Variants in VTI1B observed in about 807,000 individuals in gnomAD.
The protein encoded by VTI1B is vesicle transport through interaction with t-SNAREs homolog 1B.
A neutral mutation model predicts 28.6 loss-of-function variants in VTI1B; 18 were observed. The observed-to-expected ratio is 0.63, with a 90% CI of 0.43 to 0.93. The LOEUF is 0.93. VTI1B is among the 40% of genes least tolerant of loss of function. The pLI is 0.00. For synonymous variants in VTI1B, 100 were observed against 107.9 expected (o/e 0.93, Z 0.46); for missense variants, 283 against 297.0 (o/e 0.95, Z 0.35).
intron 1 of VTI1B, among the ~76,000 whole-genome samples, chr14:67,671,915 G>A (rs977361363): frequency 1.3e-5 from 2 of 152,196 alleles, no homozygotes; most frequent in East Asian, 3.8e-4. Flanking sequence ...AGCCCTCATG[G>A]TCTAATCATT....
rs940630614 is a variant in VTI1B at position 67,658,453 on chromosome 14, C to T, written c.366+1278G>A. The stretch of plus-strand genomic sequence containing the variant: ...ACTAAAAGTACAAAAAAAAATTAGC[C>T]GGGCGTGGTGGTGGGCGCCTGTAGT... On this transcript the variant is annotated intron_variant, in intron 3 of 5. Transcript: ENST00000554659. Among the ~76,000 whole-genome samples the T allele has an allele frequency of 3.3e-5, 5 of 152,002 alleles. No homozygotes were observed. In the South Asian group the frequency reaches 8.3e-4, roughly 25 times the overall value.
At position 67,666,885 on chromosome 14, in the gene VTI1B, T is replaced by C. The variant is rs923213308; in HGVS notation, c.116-4350A>G. 7.2e-5 allele frequency among the ~76,000 whole-genome samples: 11 copies of C among 152,350 alleles called. No individual in the cohort carries two copies. In the South Asian group the frequency reaches 2.1e-3, roughly 29 times the overall value. On this transcript the variant is annotated intron_variant, in intron 1 of 5. Coordinates refer to ENST00000554659, the MANE Select transcript of VTI1B (RefSeq NM_006370.3). Reference sequence around the variant, plus strand: ...GGGGCATTTTTGTGCTCCCAGAGTATAGCCTTTAACAACTGGTAAAATCTG... The same window carrying C: ...GGGGCATTTTTGTGCTCCCAGAGTACAGCCTTTAACAACTGGTAAAATCTG...
In VTI1B at chr14:67,663,269, G is replaced by A. The variant is rs1042236021; in HGVS notation, c.116-734C>T. The A allele has an allele frequency of 1.3e-5, 13 of 1,033,800 alleles. No homozygotes were observed. In the South Asian group the frequency reaches 2.0e-4, roughly 16 times the overall value. 64.0% of individuals were successfully genotyped at this position (1,033,800 alleles called of 1,614,324 possible). On this transcript the variant is annotated intron_variant, in intron 1 of 5. Transcript: ENST00000554659. ...CAGTATTGTCTTAATTGTATTTTCT[G>A]ATAGTTTATACTACAGGTTTTCCAT...
chr14:67,656,392 C>G (rs2037258322), intron 4 of VTI1B, 24 bp downstream of exon 4: 1 of 1,562,212 alleles, frequency 6.4e-7, no homozygotes, highest in East Asian at 2.3e-5. Flanking sequence ...ATACTTGCCC[C>G]TTTCCCTGTC....
chr14:67,653,164 G>A (rs8013767), intron 5 of VTI1B, among the ~76,000 whole-genome samples: 18,943 of 152,204 alleles, frequency 0.12, 1,217 homozygotes, highest in Admixed American at 0.15. Flanking sequence ...AACATCAGCT[G>A]TGATTAAATG....
chr14:67,655,303 G>A (rs984501339), intron 4 of VTI1B, among the ~76,000 whole-genome samples: 2 of 152,038 alleles, frequency 1.3e-5, no homozygotes, highest in Non-Finnish European at 2.9e-5. Flanking sequence ...CTCCAGCCTG[G>A]GTGACAGAGC....
chr14:67,650,570 A>C lies in VTI1B; in HGVS notation c.*815T>G, dbSNP rs375026082. 144 of 679,428 alleles carry C rather than the reference A, an allele frequency of 2.1e-4. No homozygotes were observed. Among genetic ancestry groups the C allele is most frequent in the Non-Finnish European group, 3.5e-4 (135 of 388,296 alleles). 42.1% of individuals were successfully genotyped at this position (679,428 alleles called of 1,614,324 possible). ...ATTCATGGCCAAGAGGATGAGGTGC[A>C]AGGGGCTTCCTAAAAATAGGTATTT... On this transcript the variant is annotated 3_prime_UTR_variant, in exon 6 of 6. Coordinates refer to ENST00000554659, the MANE Select transcript of VTI1B (RefSeq NM_006370.3).
Position 67,647,085 on chromosome 14 carries a change from T to C in VTI1B, c.*4300A>G. 2 of 1,087,286 alleles carry C rather than the reference T, an allele frequency of 1.8e-6. No homozygotes were observed. Among genetic ancestry groups the C allele is most frequent in the Non-Finnish European group, 2.8e-6 (2 of 714,758 alleles). 67.4% of individuals were successfully genotyped at this position (1,087,286 alleles called of 1,614,324 possible). ...CAATGGGCAACACACTTTTAGCCTG[T>C]TTCTTGAGGACAGCAGCTTTACTTT... On this transcript the variant is annotated 3_prime_UTR_variant, in exon 6 of 6. Coordinates refer to ENST00000554659, the MANE Select transcript of VTI1B (RefSeq NM_006370.3).
At chr14:67,672,472 G>C (rs571468845) in intron 1 of VTI1B, among the ~76,000 whole-genome samples, 1 of 124,818 alleles carries the variant, frequency 8.0e-6, no homozygotes, top group Admixed American at 9.2e-5. Context: ...TTGATACAGA[G>C]TCTTGATCTG....
In VTI1B at chr14:67,662,191, C is replaced by CAA. The variant is rs937980980; in HGVS notation, c.174+284_174+285dup. 9.3e-5 allele frequency among the ~76,000 whole-genome samples: 14 copies of CAA among 149,896 alleles called. No homozygotes were observed. In the South Asian group the frequency reaches 1.7e-3, roughly 18 times the overall value. Reference sequence around the variant, plus strand: ...ACAACAACAACAACAAAAAAAAAAACAACAGATTTTAAAAGACTGCTTGGG... The same window carrying CAA: ...ACAACAACAACAACAAAAAAAAAAACAAAACAGATTTTAAAAGACTGCTTGGG... On this transcript the variant is annotated intron_variant, in intron 2 of 5. Transcript: ENST00000554659.
At chr14:67,657,245 C>T (rs1003961504) in intron 3 of VTI1B, 1 of 152,138 alleles carries the variant, frequency 6.6e-6, no homozygotes, top group Non-Finnish European at 1.5e-5. Context: ...CTAAAGAAAG[C>T]ATGTAGAAGT....
At chr14:67,667,654 G>A (rs1374915202) in intron 1 of VTI1B, among the ~76,000 whole-genome samples, 1 of 152,166 alleles carries the variant, frequency 6.6e-6, no homozygotes, top group Non-Finnish European at 1.5e-5. Flanking sequence ...GAAAATATGA[G>A]GAGTTAGAGG....
intron 1 of VTI1B, among the ~76,000 whole-genome samples, chr14:67,671,537 A>C (rs952968127): frequency 6.6e-6 from 1 of 152,168 alleles, no homozygotes; most frequent in Non-Finnish European, 1.5e-5. Context: ...AAAAAACAAA[A>C]AAAAGAAAGA....
intron 2 of VTI1B, 150 bp from the exon 3 acceptor site, chr14:67,660,072 C>A: frequency 1.3e-6 from 1 of 778,814 alleles, no homozygotes; most frequent in Non-Finnish European, 2.0e-6. Context: ...CCATGTCTGG[C>A]ATGTTCCCCT....
intron 4 of VTI1B, among the ~76,000 whole-genome samples, chr14:67,654,161 C>T (rs1172976598): frequency 6.6e-6 from 1 of 152,214 alleles, no homozygotes; most frequent in Non-Finnish European, 1.5e-5. Flanking sequence ...GGCTGGAGTG[C>T]AGTGCTGCAA....
At position 67,650,633 on chromosome 14, in the gene VTI1B, G is replaced by C; in HGVS notation, c.*752C>G. On this transcript the variant is annotated 3_prime_UTR_variant, in exon 6 of 6. Transcript: ENST00000554659. The stretch of plus-strand genomic sequence containing the variant: ...TGGACTCTTGTTTTTACTTTGGCTT[G>C]TTCTCCCTGTCCCAGTGGGATGACC... The C allele has an allele frequency of 7.6e-7, 1 of 1,322,606 alleles. No homozygotes were observed. Among genetic ancestry groups the C allele is most frequent in the Non-Finnish European group, 1.1e-6 (1 of 920,180 alleles). The allele number at this position is 1,322,606 out of a possible 1,614,324, so 81.9% of individuals were successfully genotyped here. A position where few individuals can be genotyped will look rare whatever the true frequency, so the allele number is the denominator to read the frequency against.
At chr14:67,656,928 G>A (rs903882007) in intron 3 of VTI1B, among the ~76,000 whole-genome samples, 1 of 152,312 alleles carries the variant, frequency 6.6e-6, no homozygotes, top group African/African-American at 2.4e-5. Context: ...TCTGAAAGGT[G>A]GCAGCCCAGA....
At chr14:67,656,279 A>T in intron 4 of VTI1B, 137 bp downstream of exon 4, 1 of 814,336 alleles carries the variant, frequency 1.2e-6, no homozygotes, top group Non-Finnish European at 1.7e-6. Flanking sequence ...ATAAAAATTG[A>T]GAAAAGCATA....
At position 67,653,432 on chromosome 14, in the gene VTI1B, C is replaced by G; in HGVS notation, c.602+5G>C. The G allele has an allele frequency of 6.2e-7, 1 of 1,613,538 alleles. No individual in the cohort carries two copies. The highest frequency in any genetic ancestry group is 8.5e-7 in the Non-Finnish European group (1 of 1,179,656). ...GAGAAATTTCATGACTTTAATAAAA[C>G]TTACTTTCTGGACATTGAACGGAGA... On this transcript the variant is annotated splice_donor_5th_base_variant and intron_variant, in intron 5 of 5. Coordinates refer to ENST00000554659, the MANE Select transcript of VTI1B (RefSeq NM_006370.3).
Sources: gnomAD v4.1 joint callset for allele counts (sites outside exome capture counted in the v4.1 genomes callset) on GRCh38, gnomAD v4.1.1 for gene constraint, MANE v1.5 for transcripts, NCBI Gene and HGNC (gene_info 2026-07-23, HGNC 2026-07-21) for gene names.